ARHGAP24: variants seen among roughly 807,000 people sequenced by gnomAD.
ARHGAP24 encodes Rho GTPase activating protein 24.
Under a neutral mutation model 76.4 loss-of-function variants are expected in ARHGAP24, and 50 were observed. That is an observed-to-expected ratio of 0.65 (90% CI 0.52 to 0.83). The LOEUF (loss-of-function observed/expected upper bound fraction) is 0.83. Among genes scored for constraint, ARHGAP24 ranks in the 40% least tolerant of loss-of-function variants. The pLI is 0.00. For missense variants in ARHGAP24, 930 were observed against 914.2 expected (o/e 1.02, Z -0.22); for synonymous variants, 345 against 323.3 (o/e 1.07, Z -0.72).
intron 3 of ARHGAP24, among the ~76,000 whole-genome samples, chr4:85,751,223 T>C (rs911022681): frequency 1.3e-5 from 2 of 152,256 alleles, no homozygotes; most frequent in African/African-American, 4.8e-5. Flanking sequence ...TCTTTTTATA[T>C]CAGCAAATAT....
At chr4:85,844,084 C>A (rs986707957) in intron 3 of ARHGAP24, among the ~76,000 whole-genome samples, 7 of 152,068 alleles carry the variant, frequency 4.6e-5, no homozygotes, top group Admixed American at 3.9e-4. Flanking sequence ...AATGAGATAA[C>A]ATAAATAAAA....
At chr4:85,500,207 T>C (rs1342632600) in intron 1 of ARHGAP24, among the ~76,000 whole-genome samples, 1 of 152,222 alleles carries the variant, frequency 6.6e-6, no homozygotes, top group Non-Finnish European at 1.5e-5. Context: ...CTTTTTAATG[T>C]AGATACTAGA....
At chr4:85,476,689 G>GT (rs1169976271) in intron 1 of ARHGAP24, among the ~76,000 whole-genome samples, 1 of 152,178 alleles carries the variant, frequency 6.6e-6, no homozygotes, top group African/African-American at 2.4e-5. Context: ...TCTGTCCCCA[G>GT]TTCCAATTAG....
intron 2 of ARHGAP24, among the ~76,000 whole-genome samples, chr4:85,699,222 A>C (rs888431574): frequency 6.6e-6 from 1 of 152,172 alleles, no homozygotes; most frequent in African/African-American, 2.4e-5. Flanking sequence ...AGTATATGTC[A>C]TTTTATTCTT....
chr4:85,810,808 A>T (rs1407142860), intron 3 of ARHGAP24, among the ~76,000 whole-genome samples: 1 of 152,220 alleles, frequency 6.6e-6, no homozygotes, highest in Non-Finnish European at 1.5e-5. Flanking sequence ...ATTATAACAC[A>T]TGTTGACTAG....
intron 2 of ARHGAP24, among the ~76,000 whole-genome samples, chr4:85,666,281 G>T (rs1320400355): frequency 1.3e-5 from 2 of 151,978 alleles, no homozygotes; most frequent in African/African-American, 4.8e-5. Context: ...TTCCATCACT[G>T]ATACCCTTTC....
chr4:85,519,558 A>G (rs1315394484), intron 1 of ARHGAP24, among the ~76,000 whole-genome samples: 1 of 152,140 alleles, frequency 6.6e-6, no homozygotes, highest in Non-Finnish European at 1.5e-5. Context: ...ATTTTATTGG[A>G]GAGACAGGCT....
chr4:85,884,650 C>T (rs576254456), intron 3 of ARHGAP24, among the ~76,000 whole-genome samples: 1 of 152,110 alleles, frequency 6.6e-6, no homozygotes, highest in Non-Finnish European at 1.5e-5. Context: ...TACAAACACT[C>T]CTGTAATAAA....
intron 3 of ARHGAP24, among the ~76,000 whole-genome samples, chr4:85,846,037 C>T (rs2110154981): frequency 6.6e-6 from 1 of 152,126 alleles, no homozygotes; most frequent in Middle Eastern, 3.4e-3. Flanking sequence ...TCTCAAGTAG[C>T]TGGGATTACA....
At chr4:85,833,104 T>C (rs567607533) in intron 3 of ARHGAP24, among the ~76,000 whole-genome samples, 3 of 152,234 alleles carry the variant, frequency 2.0e-5, no homozygotes, top group African/African-American at 7.2e-5. Context: ...GAAAATATTG[T>C]AGACTGATTT....
At chr4:85,591,978 G>T (rs189402349) in intron 2 of ARHGAP24, among the ~76,000 whole-genome samples, 92 of 152,262 alleles carry the variant, frequency 6.0e-4, no homozygotes, top group African/African-American at 2.2e-3. Context: ...TACCAATTAT[G>T]TGTATCATGG....
chr4:85,992,302 C>A, intron 8 of ARHGAP24: 1 of 389,288 alleles, frequency 2.6e-6, no homozygotes. Flanking sequence ...GGGGCTATGG[C>A]CATTTATTGT....
intron 2 of ARHGAP24, among the ~76,000 whole-genome samples, chr4:85,690,297 T>G (rs1393558474): frequency 6.6e-6 from 1 of 152,154 alleles, no homozygotes; most frequent in Non-Finnish European, 1.5e-5. Flanking sequence ...TCTGCCAGGT[T>G]TTGGTATTGG....
intron 8 of ARHGAP24, among the ~76,000 whole-genome samples, chr4:85,979,845 G>A (rs928664595): frequency 2.0e-5 from 3 of 152,048 alleles, no homozygotes; most frequent in African/African-American, 4.8e-5. Flanking sequence ...ACGTATTATT[G>A]TGAATATTTA....
intron 8 of ARHGAP24, among the ~76,000 whole-genome samples, chr4:85,984,780 T>C (rs1029846404): frequency 4.6e-5 from 7 of 152,160 alleles, no homozygotes; most frequent in Non-Finnish European, 8.8e-5. Flanking sequence ...CAAGAGCATG[T>C]TGACATTGGA....
chr4:85,737,071 G>A (rs28621471), intron 3 of ARHGAP24, among the ~76,000 whole-genome samples: 24,036 of 152,120 alleles, frequency 0.16, 2,417 homozygotes, highest in Non-Finnish European at 0.22. Flanking sequence ...GAAAAAGAAT[G>A]AGATGATCAT....
intron 2 of ARHGAP24, among the ~76,000 whole-genome samples, chr4:85,647,256 G>A (rs1721759952): frequency 6.6e-6 from 1 of 152,084 alleles, no homozygotes; most frequent in Non-Finnish European, 1.5e-5. Flanking sequence ...TGTATTTTAT[G>A]AAGGGTATTT....
Position 85,570,614 on chromosome 4 carries a change from T to C in ARHGAP24, c.73T>C (p.Trp25Arg). 1 of 1,614,042 alleles carries C rather than the reference T, an allele frequency of 6.2e-7. No homozygotes were observed. The highest frequency in any genetic ancestry group is 8.5e-7 in the Non-Finnish European group (1 of 1,179,996). ...QGRQNAIKCGWLRKQGGFVKT... is the reference protein window; with the variant it reads ...QGRQNAIKCGRLRKQGGFVKT... Reference sequence around the variant, plus strand: ...GCGGCAGAATGCCATCAAGTGTGGGTGGCTGAGGAAGCAAGGAGGCTTTGT... The same window carrying C: ...GCGGCAGAATGCCATCAAGTGTGGGCGGCTGAGGAAGCAAGGAGGCTTTGT... The change falls in exon 2 of 10, where the codon TGG becomes CGG. Residue 25 changes from tryptophan (W) to arginine (R), a missense_variant. Physicochemically the swap from Trp to Arg is moderately radical, Grantham distance 101. Coordinates refer to ENST00000395184, the MANE Select transcript of ARHGAP24 (RefSeq NM_001025616.3).
chr4:85,555,103 T>C (rs1726305628), intron 1 of ARHGAP24, among the ~76,000 whole-genome samples: 1 of 152,244 alleles, frequency 6.6e-6, no homozygotes, highest in South Asian at 2.1e-4. Context: ...TTCCTATCCA[T>C]ATTCTGATTT....
Sources: gnomAD v4.1 joint callset for allele counts (sites outside exome capture counted in the v4.1 genomes callset) on GRCh38, gnomAD v4.1.1 for gene constraint, MANE v1.5 for transcripts, NCBI Gene and HGNC (gene_info 2026-07-23, HGNC 2026-07-21) for gene names.